MEIS2: variants seen among roughly 807,000 people sequenced by gnomAD.
MEIS2 encodes the protein Meis homeobox 2.
MEIS2 carries 9 observed loss-of-function variants against 58.6 expected under a neutral mutation model. That is an observed-to-expected ratio of 0.15 (90% CI 0.09 to 0.27). The LOEUF is 0.27. Among genes scored for constraint, MEIS2 ranks in the 10% least tolerant of loss-of-function variants. The pLI is 1.00. For missense variants in MEIS2, 427 were observed against 635.0 expected, an observed-to-expected ratio of 0.67 and a Z score of 3.52; for synonymous variants, 221 against 228.4, an observed-to-expected ratio of 0.97 and a Z score of 0.29.
At chr15:37,077,135 A>G (rs1168388063) in intron 7 of MEIS2, among the ~76,000 whole-genome samples, 3 of 152,110 alleles carry the variant, frequency 2.0e-5, no homozygotes, top group Non-Finnish European at 4.4e-5. Flanking sequence ...TTGACACGAG[A>G]TGTACTAACT....
At chr15:37,077,100 A>G (rs1343822114) in intron 7 of MEIS2, among the ~76,000 whole-genome samples, 1 of 152,116 alleles carries the variant, frequency 6.6e-6, no homozygotes, top group Non-Finnish European at 1.5e-5. Flanking sequence ...TCATAATAAA[A>G]CATTTTATTT....
At chr15:36,894,719 C>T in intron 11 of MEIS2, 1 of 1,609,304 alleles carries the variant, frequency 6.2e-7, no homozygotes, top group Admixed American at 1.7e-5. Flanking sequence ...GTACTTACTT[C>T]CCCCTTGCTT....
intron 8 of MEIS2, among the ~76,000 whole-genome samples, chr15:36,981,665 A>G (rs1470795373): frequency 6.6e-6 from 1 of 152,058 alleles, no homozygotes; most frequent in East Asian, 1.9e-4. Flanking sequence ...TGTCAAATTG[A>G]CTGGGTTAAG....
intron 9 of MEIS2, among the ~76,000 whole-genome samples, chr15:36,916,406 G>A (rs1000121985): frequency 6.8e-6 from 1 of 146,078 alleles, no homozygotes; most frequent in Non-Finnish European, 1.5e-5. Context: ...CAGCCTGGGT[G>A]ATGGAGCGAG....
intron 9 of MEIS2, among the ~76,000 whole-genome samples, chr15:36,907,395 A>G (rs2056793249): frequency 6.6e-6 from 1 of 152,196 alleles, no homozygotes; most frequent in Non-Finnish European, 1.5e-5. Flanking sequence ...CCACCCCAAC[A>G]CACCGGCAAT....
At chr15:37,006,650 C>T (rs906636762) in intron 8 of MEIS2, among the ~76,000 whole-genome samples, 1 of 151,602 alleles carries the variant, frequency 6.6e-6, no homozygotes, top group South Asian at 2.1e-4. Context: ...CCTCAAAAAT[C>T]TTCCCTCTTA....
intron 8 of MEIS2, among the ~76,000 whole-genome samples, chr15:36,990,401 G>A (rs17436169): frequency 0.024 from 3,678 of 152,000 alleles, 58 homozygotes; most frequent in Non-Finnish European, 0.038. Flanking sequence ...GAGCTAGTGT[G>A]GAAATTATAA....
chr15:36,959,075 A>G (rs931443860), intron 8 of MEIS2, among the ~76,000 whole-genome samples: 2 of 152,132 alleles, frequency 1.3e-5, no homozygotes, highest in Non-Finnish European at 2.9e-5. Flanking sequence ...ATCTAACTCA[A>G]ACTTCTTATT....
intron 7 of MEIS2, among the ~76,000 whole-genome samples, chr15:37,083,469 G>A (rs141726530): frequency 6.6e-6 from 1 of 152,296 alleles, no homozygotes; most frequent in East Asian, 1.9e-4. Context: ...AGTAAAGCAG[G>A]CCTGTGATTC....
intron 9 of MEIS2, among the ~76,000 whole-genome samples, chr15:36,912,451 C>G (rs2057075738): frequency 6.6e-6 from 1 of 152,186 alleles, no homozygotes; most frequent in Admixed American, 6.5e-5. Context: ...GTTATCTTCT[C>G]AATTATTTAT....
intron 8 of MEIS2, among the ~76,000 whole-genome samples, chr15:36,987,797 T>A (rs1595875237): frequency 1.4e-5 from 2 of 146,166 alleles, no homozygotes. Flanking sequence ...TTTTTTTTTT[T>A]AAACACTTGA....
chr15:36,902,723 C>CA (rs11371470), intron 9 of MEIS2, among the ~76,000 whole-genome samples: 39,810 of 151,964 alleles, frequency 0.26, 6,204 homozygotes, highest in Non-Finnish European at 0.36. Flanking sequence ...ATCTCAGCTG[C>CA]AAAAAAATGC....
At chr15:36,985,839 A>C (rs74008820) in intron 8 of MEIS2, among the ~76,000 whole-genome samples, 2,126 of 152,286 alleles carry the variant, frequency 0.014, 59 homozygotes, top group African/African-American at 0.048. Context: ...TTCCTGGTTC[A>C]CTAGGTCAGC....
intron 9 of MEIS2, among the ~76,000 whole-genome samples, chr15:36,914,021 C>A (rs1359869604): frequency 6.6e-6 from 1 of 152,200 alleles, no homozygotes; most frequent in African/African-American, 2.4e-5. Flanking sequence ...TTCCTGCCAT[C>A]CTCACCTCCA....
chr15:37,050,400 A>G (rs747595179), intron 7 of MEIS2, among the ~76,000 whole-genome samples: 94 of 152,128 alleles, frequency 6.2e-4, no homozygotes, highest in Non-Finnish European at 1.2e-3. Flanking sequence ...TTGTGGGTTT[A>G]TATCTAAAAC....
chr15:36,957,762 T>C (rs1413063695), intron 8 of MEIS2, among the ~76,000 whole-genome samples: 2 of 152,232 alleles, frequency 1.3e-5, no homozygotes, highest in Non-Finnish European at 2.9e-5. Context: ...AAGTGTTCAA[T>C]ACATACTTGT....
chr15:37,016,637 G>T (rs569589873), intron 8 of MEIS2, among the ~76,000 whole-genome samples: 1 of 152,234 alleles, frequency 6.6e-6, no homozygotes, highest in African/African-American at 2.4e-5. Context: ...AAAGAAAAAA[G>T]AAATTCCTAC....
At chr15:36,951,670 C>G (rs1394909987) in intron 8 of MEIS2, among the ~76,000 whole-genome samples, 2 of 152,084 alleles carry the variant, frequency 1.3e-5, no homozygotes, top group African/African-American at 4.8e-5. Context: ...AATATAGAAG[C>G]CAGGCTTTTA....
intron 7 of MEIS2, among the ~76,000 whole-genome samples, chr15:37,053,256 T>A (rs1226798835): frequency 6.6e-6 from 1 of 152,210 alleles, no homozygotes; most frequent in African/African-American, 2.4e-5. Flanking sequence ...TTCCGGATCT[T>A]GATCACACTA....
Sources: gnomAD v4.1 joint callset for allele counts (sites outside exome capture counted in the v4.1 genomes callset) on GRCh38, gnomAD v4.1.1 for gene constraint, MANE v1.5 for transcripts, NCBI Gene and HGNC (gene_info 2026-07-23, HGNC 2026-07-21) for gene names.